Variants in DSCAM observed in about 807,000 individuals in gnomAD.
DSCAM encodes DS cell adhesion molecule.
Under a neutral mutation model 217.7 loss-of-function variants are expected in DSCAM, and 47 were observed. The observed-to-expected ratio is 0.22, with a 90% CI of 0.17 to 0.28. The LOEUF is 0.28. Among genes scored for constraint, DSCAM ranks in the 10% least tolerant of loss-of-function variants. DSCAM has a pLI of 1.00. For missense variants in DSCAM, 2,080 were observed against 2,618.3 expected (o/e 0.79, Z 4.49); for synonymous variants, 1,056 against 1,015.3 (o/e 1.04, Z -0.76).
chr21:40,327,195 G>A (rs2074327114), intron 8 of DSCAM, among the ~76,000 whole-genome samples: 1 of 152,040 alleles, frequency 6.6e-6, no homozygotes, highest in Non-Finnish European at 1.5e-5. Flanking sequence ...GCACAAACGT[G>A]TGTGTATTTG....
intron 3 of DSCAM, among the ~76,000 whole-genome samples, chr21:40,654,531 T>C (rs540628003): frequency 6.6e-6 from 1 of 152,286 alleles, no homozygotes; most frequent in Admixed American, 6.5e-5. Context: ...GAGATCAAAA[T>C]CCTAAATGGA....
intron 9 of DSCAM, among the ~76,000 whole-genome samples, chr21:40,300,997 A>AT (rs1310452098): frequency 1.3e-5 from 2 of 151,508 alleles, no homozygotes; most frequent in African/African-American, 4.9e-5. Flanking sequence ...ACTTTTACTG[A>AT]TTTTCTTTTC....
At chr21:40,383,813 T>C (rs2075052335) in intron 3 of DSCAM, 1 of 152,226 alleles carries the variant, frequency 6.6e-6, no homozygotes. Context: ...TATAATTACA[T>C]TGTTTTAAGT....
At chr21:40,779,492 G>T (rs970433911) in intron 1 of DSCAM, among the ~76,000 whole-genome samples, 1 of 152,160 alleles carries the variant, frequency 6.6e-6, no homozygotes, top group African/African-American at 2.4e-5. Flanking sequence ...CATTGCATGC[G>T]TATCAAATTC....
At chr21:40,599,160 G>A (rs557988116) in intron 3 of DSCAM, among the ~76,000 whole-genome samples, 12 of 152,042 alleles carry the variant, frequency 7.9e-5, no homozygotes, top group Middle Eastern at 6.8e-3. Context: ...GTCTTTTAAC[G>A]TTCTCAATTG....
intron 6 of DSCAM, among the ~76,000 whole-genome samples, chr21:40,343,846 ATTT>A (rs1257594294): frequency 2.0e-5 from 3 of 149,930 alleles, no homozygotes; most frequent in Non-Finnish European, 3.0e-5. Context: ...ATTTATTATT[ATTT>A]TATTTCATTT....
At chr21:40,485,374 C>CT (rs1181902118) in intron 3 of DSCAM, among the ~76,000 whole-genome samples, 1 of 151,840 alleles carries the variant, frequency 6.6e-6, no homozygotes, top group Non-Finnish European at 1.5e-5. Flanking sequence ...TCCCGAGTAG[C>CT]TGGGACTACA....
chr21:40,033,045 C>G (rs1568901088), intron 32 of DSCAM, among the ~76,000 whole-genome samples: 1 of 152,136 alleles, frequency 6.6e-6, no homozygotes, highest in African/African-American at 2.4e-5. Flanking sequence ...TTTGTTCCAC[C>G]CTTATCCATT....
At position 40,017,704 on chromosome 21, in the gene DSCAM, A is replaced by T. The variant is rs576411588; in HGVS notation, c.5687-4318T>A. Among the ~76,000 whole-genome samples, 23 of 152,158 alleles carry T rather than the reference A, an allele frequency of 1.5e-4. No individual in the cohort carries two copies. The East Asian group carries it at 1.9e-3, about 13-fold the overall frequency. Reference sequence around the variant, plus strand: ...GTAGCTGGGATTACAGGCATGCACCACCACGCCTGGCTAATTTTTGTATTT... The same window carrying T: ...GTAGCTGGGATTACAGGCATGCACCTCCACGCCTGGCTAATTTTTGTATTT... On this transcript the variant is annotated intron_variant, in intron 32 of 32. Transcript: ENST00000400454.
intron 3 of DSCAM, among the ~76,000 whole-genome samples, chr21:40,573,533 G>A (rs780824017): frequency 6.6e-6 from 1 of 152,172 alleles, no homozygotes; most frequent in African/African-American, 2.4e-5. Flanking sequence ...TGAAGGTGGT[G>A]CATAGAGGGA....
intron 1 of DSCAM, among the ~76,000 whole-genome samples, chr21:40,789,267 T>A (rs1268972046): frequency 6.8e-6 from 1 of 146,430 alleles, no homozygotes; most frequent in Middle Eastern, 3.5e-3. Flanking sequence ...CAATCAAGAT[T>A]AAAAAAAAAA....
rs1028825948 is a variant in DSCAM, at chr21:40,143,740, A to G, written c.3259+751T>C. 3.3e-5 allele frequency among the ~76,000 whole-genome samples: 5 copies of G among 152,164 alleles called. 1 individual carries two copies. Among genetic ancestry groups the G allele is most frequent in the South Asian group, 4.1e-4 (2 of 4,824 alleles). On this transcript the variant is annotated intron_variant, in intron 17 of 32. Transcript: ENST00000400454. The stretch of plus-strand genomic sequence containing the variant: ...CGGGAGGCGGAGCTTGCAGCGAGCC[A>G]AGATCGCGCCACTGCACTCCAGCCT...
chr21:40,654,183 C>T (rs140841771), intron 3 of DSCAM, among the ~76,000 whole-genome samples: 1 of 152,100 alleles, frequency 6.6e-6, no homozygotes, highest in Non-Finnish European at 1.5e-5. Context: ...ATCACCAATA[C>T]GATATTACTG....
chr21:40,768,334 A>G (rs1163518696), intron 1 of DSCAM, among the ~76,000 whole-genome samples: 1 of 85,974 alleles, frequency 1.2e-5, no homozygotes, highest in Non-Finnish European at 2.5e-5. Flanking sequence ...CCCCACCCCC[A>G]CCCTGAGGGG....
At chr21:40,156,624 G>A (rs75682349) in intron 16 of DSCAM, among the ~76,000 whole-genome samples, 106 of 152,340 alleles carry the variant, frequency 7.0e-4, no homozygotes, top group African/African-American at 2.5e-3. Flanking sequence ...ATGAGCTGAG[G>A]TTGGAAGAGT....
chr21:40,225,176 A>G (rs75928491), intron 11 of DSCAM, among the ~76,000 whole-genome samples: 5,118 of 152,278 alleles, frequency 0.034, 125 homozygotes, highest in South Asian at 0.093. Context: ...CCAACAAGGT[A>G]AGCCTGTGAA....
chr21:40,575,241 C>T (rs1169005905), intron 3 of DSCAM, among the ~76,000 whole-genome samples: 1 of 151,566 alleles, frequency 6.6e-6, no homozygotes, highest in Non-Finnish European at 1.5e-5. Context: ...AGAACAACCC[C>T]CCTTTGACTG....
intron 3 of DSCAM, among the ~76,000 whole-genome samples, chr21:40,372,953 C>T (rs2074913409): frequency 6.6e-6 from 1 of 152,106 alleles, no homozygotes; most frequent in African/African-American, 2.4e-5. Flanking sequence ...TGGGATATTT[C>T]TATGTAGGGA....
rs186747729 is a variant in DSCAM, at chr21:40,681,172, G to A, written c.508+11638C>T. Among the ~76,000 whole-genome samples the A allele has an allele frequency of 1.6e-4, 24 of 152,346 alleles. No individual in the cohort carries two copies. The East Asian group carries it at 4.6e-3, about 29-fold the overall frequency. On this transcript the variant is annotated intron_variant, in intron 3 of 32. Coordinates refer to ENST00000400454, the MANE Select transcript of DSCAM (RefSeq NM_001389.5). Reference sequence around the variant, plus strand: ...ATTTCCCCCTTTTCCTTTTGAGGAAGGAAACACAGGACTTGAAGATGCCCA... The same window carrying A: ...ATTTCCCCCTTTTCCTTTTGAGGAAAGAAACACAGGACTTGAAGATGCCCA...
Sources: allele counts gnomAD v4.1 joint callset (sites outside exome capture counted in the v4.1 genomes callset), GRCh38; gene constraint gnomAD v4.1.1; transcripts MANE v1.5; gene names NCBI Gene and HGNC (gene_info 2026-07-23, HGNC 2026-07-21).